Variants in RALYL observed in about 807,000 individuals in gnomAD.
The protein encoded by RALYL is RALY RNA binding protein like.
A neutral mutation model predicts 35.1 loss-of-function variants in RALYL; 29 were observed. The ratio of observed to expected loss-of-function variants is 0.83; its 90% CI spans 0.61 to 1.13. The LOEUF is 1.13. RALYL is among the 50% of genes most tolerant of loss of function. The probability of loss-of-function intolerance (pLI) is 0.00; values close to 1 mark genes in which losing one functional copy is unlikely to be tolerated. For synonymous variants in RALYL, 120 were observed against 127.6 expected, an observed-to-expected ratio of 0.94 and a Z score of 0.40; for missense variants, 359 against 360.4, an observed-to-expected ratio of 1.00 and a Z score of 0.03.
chr8:84,573,622 A>AT (rs1808584384), intron 2 of RALYL, among the ~76,000 whole-genome samples: 2 of 151,628 alleles, frequency 1.3e-5, no homozygotes, highest in South Asian at 4.1e-4. Context: ...TTAAGCACTT[A>AT]TTTTTCTCTC....
chr8:84,797,248 G>C (rs1822153266), intron 3 of RALYL, among the ~76,000 whole-genome samples: 1 of 151,970 alleles, frequency 6.6e-6, no homozygotes, highest in Non-Finnish European at 1.5e-5. Flanking sequence ...CCATTCATGA[G>C]GGTAAAGTCC....
At chr8:84,449,087 T>TG (rs929010103) in intron 1 of RALYL, among the ~76,000 whole-genome samples, 17 of 151,706 alleles carry the variant, frequency 1.1e-4, no homozygotes, top group African/African-American at 2.9e-4. Flanking sequence ...TGTTTTTTTT[T>TG]TTTTTTTGCT....
At position 84,406,208 on chromosome 8, in the gene RALYL, T is replaced by C. The variant is rs147427803; in HGVS notation, c.-23-123091T>C. 9.3e-3 allele frequency among the ~76,000 whole-genome samples: 1,410 copies of C among 152,262 alleles called. 12 individuals are homozygous for C. The highest frequency in any genetic ancestry group is 0.031 in the African/African-American group (1,302 of 41,542). Reference sequence around the variant, plus strand: ...TCTTCAGAGCATTACTTTTTTCATGTTCTTAAATGGCTATACAAGTAGTGT... The same window carrying C: ...TCTTCAGAGCATTACTTTTTTCATGCTCTTAAATGGCTATACAAGTAGTGT... On this transcript the variant is annotated intron_variant, in intron 1 of 8. Coordinates refer to ENST00000521268, the MANE Select transcript of RALYL (RefSeq NM_173848.7).
chr8:84,596,175 C>T (rs1240243632), intron 2 of RALYL, among the ~76,000 whole-genome samples: 1 of 152,092 alleles, frequency 6.6e-6, no homozygotes, highest in East Asian at 1.9e-4. Flanking sequence ...TTTGGTTCTA[C>T]ATAAATATAT....
intron 4 of RALYL, among the ~76,000 whole-genome samples, chr8:84,829,839 G>T (rs543576878): frequency 5.9e-5 from 9 of 151,916 alleles, no homozygotes; most frequent in Non-Finnish European, 1.2e-4. Flanking sequence ...ACATAAACTT[G>T]CTGTTTGTTT....
intron 1 of RALYL, among the ~76,000 whole-genome samples, chr8:84,502,277 A>G (rs1587823962): frequency 1.3e-5 from 2 of 152,192 alleles, no homozygotes; most frequent in East Asian, 1.9e-4. Context: ...ATTGCAGTCC[A>G]TTAACTGATC....
At chr8:84,549,887 T>C (rs1564127661) in intron 2 of RALYL, among the ~76,000 whole-genome samples, 1 of 152,170 alleles carries the variant, frequency 6.6e-6, no homozygotes, top group African/African-American at 2.4e-5. Flanking sequence ...CCAATATTTG[T>C]TGTATATATT....
intron 1 of RALYL, among the ~76,000 whole-genome samples, chr8:84,185,990 G>A (rs1388808679): frequency 1.3e-5 from 2 of 152,178 alleles, no homozygotes; most frequent in East Asian, 3.9e-4. Context: ...GTAATATCTG[G>A]AAAGTTGTAT....
intron 2 of RALYL, among the ~76,000 whole-genome samples, chr8:84,550,451 C>G (rs578093869): frequency 6.6e-6 from 1 of 152,126 alleles, no homozygotes; most frequent in African/African-American, 2.4e-5. Flanking sequence ...TTATGTTCCT[C>G]TCATGATATT....
At chr8:84,365,216 A>G (rs1853970832) in intron 1 of RALYL, among the ~76,000 whole-genome samples, 1 of 152,186 alleles carries the variant, frequency 6.6e-6, no homozygotes, top group African/African-American at 2.4e-5. Flanking sequence ...TCTTGGGCAT[A>G]CATGTATGAT....
At position 84,862,419 on chromosome 8, in the gene RALYL, G is replaced by A. The variant is rs199657548; in HGVS notation, c.537G>A (p.Ser179=). The A allele has an allele frequency of 2.4e-3, 3,821 of 1,605,510 alleles. 12 individuals are homozygous for A. Among genetic ancestry groups the A allele is most frequent in the South Asian group, 5.3e-3 (478 of 89,632 alleles). The stretch of plus-strand genomic sequence containing the variant: ...GAGTCTTTTCCATGAAAGGTGGATC[G>A]AGATCTACTGCCAGTGGGTCAACAG... ...GKGVFSMKGG[S]RSTASGSTGS... Residue 179 remains serine, a synonymous_variant, in exon 6 of 9, where the codon TCG becomes TCA. Coordinates refer to ENST00000521268, the MANE Select transcript of RALYL (RefSeq NM_173848.7).
chr8:84,578,027 C>T (rs185555933), intron 2 of RALYL, among the ~76,000 whole-genome samples: 1 of 152,332 alleles, frequency 6.6e-6, no homozygotes, highest in African/African-American at 2.4e-5. Flanking sequence ...GGGCTTGTTC[C>T]ACCCACTCAG....
At chr8:84,622,786 C>G (rs1479150097) in intron 2 of RALYL, among the ~76,000 whole-genome samples, 1 of 152,080 alleles carries the variant, frequency 6.6e-6, no homozygotes, top group Non-Finnish European at 1.5e-5. Context: ...ATAAAGGAAA[C>G]AACAATACTG....
Position 84,417,989 on chromosome 8 carries a change from G to A in RALYL, c.-23-111310G>A, listed in dbSNP as rs914965287. The stretch of plus-strand genomic sequence containing the variant: ...ACATAGAGATCTTTTCCCCTACTAA[G>A]TTGCCCAACAGGAGATGATCAGTTT... On this transcript the variant is annotated intron_variant, in intron 1 of 8. Transcript: ENST00000521268. Among the ~76,000 whole-genome samples the A allele has an allele frequency of 4.6e-5, 7 of 152,088 alleles. No individual in the cohort carries two copies. In the South Asian group the frequency reaches 1.4e-3, roughly 31 times the overall value.
chr8:84,723,328 C>T (rs748356397), intron 2 of RALYL, among the ~76,000 whole-genome samples: 2 of 151,938 alleles, frequency 1.3e-5, no homozygotes, highest in African/African-American at 2.4e-5. Context: ...AAGTATAAAT[C>T]TTACACCTCC....
intron 2 of RALYL, among the ~76,000 whole-genome samples, chr8:84,726,524 A>G (rs1844985693): frequency 6.6e-6 from 1 of 151,558 alleles, no homozygotes; most frequent in East Asian, 1.9e-4. Context: ...GAAATAAAAT[A>G]GCACTATATC....
intron 1 of RALYL, among the ~76,000 whole-genome samples, chr8:84,449,070 G>GTTTTTTT (rs1215015705): frequency 2.2e-5 from 3 of 134,828 alleles, no homozygotes; most frequent in African/African-American, 2.8e-5. Context: ...TTAGCTGTTA[G>GTTTTTTT]TTTTTTTGTT....
At chr8:84,291,127 A>T (rs1387049259) in intron 1 of RALYL, among the ~76,000 whole-genome samples, 11 of 152,194 alleles carry the variant, frequency 7.2e-5, no homozygotes, top group Non-Finnish European at 2.9e-5. Flanking sequence ...TCAGTGAAGT[A>T]TATTGGAACA....
At chr8:84,562,494 GT>G (rs2135605557) in intron 2 of RALYL, among the ~76,000 whole-genome samples, 1 of 151,938 alleles carries the variant, frequency 6.6e-6, no homozygotes, top group African/African-American at 2.4e-5. Context: ...AATAAAATTT[GT>G]TTTTTCCTTA....
Sources: allele counts gnomAD v4.1 joint callset (sites outside exome capture counted in the v4.1 genomes callset), GRCh38; gene constraint gnomAD v4.1.1; transcripts MANE v1.5; gene names NCBI Gene and HGNC (gene_info 2026-07-23, HGNC 2026-07-21).